Variants in SKAP2 observed in about 807,000 individuals in gnomAD.
SKAP2 encodes the protein src kinase-associated phosphoprotein 2.
In SKAP2, 28 loss-of-function variants were observed where a neutral mutation model predicts 54.9. The observed-to-expected ratio is 0.51, with a 90% CI of 0.38 to 0.70. The LOEUF (loss-of-function observed/expected upper bound fraction) is 0.70. SKAP2 is among the 30% of genes least tolerant of loss of function. SKAP2 has a pLI of 0.00. For synonymous variants in SKAP2, 137 were observed against 134.3 expected (o/e 1.02, Z -0.14); for missense variants, 356 against 424.1 (o/e 0.84, Z 1.41).
At chr7:26,735,842 A>G (rs1486096892) in intron 6 of SKAP2, among the ~76,000 whole-genome samples, 1 of 152,176 alleles carries the variant, frequency 6.6e-6, no homozygotes, top group East Asian at 1.9e-4. Context: ...CATGCCAAAC[A>G]AGTAATTAAA....
intron 9 of SKAP2, among the ~76,000 whole-genome samples, chr7:26,698,565 A>G (rs1786949281): frequency 6.6e-6 from 1 of 152,222 alleles, no homozygotes; most frequent in Non-Finnish European, 1.5e-5. Context: ...TTTTCACCTA[A>G]TATCAACCTT....
At chr7:26,719,667 T>C (rs1478799159) in intron 9 of SKAP2, among the ~76,000 whole-genome samples, 5 of 152,218 alleles carry the variant, frequency 3.3e-5, no homozygotes, top group Non-Finnish European at 7.3e-5. Flanking sequence ...GCTTCCTTCA[T>C]TTTTTATCTT....
At position 26,739,915 on chromosome 7, in the gene SKAP2, C is replaced by G; in HGVS notation, c.357G>C (p.Lys119Asn). 1 of 1,611,834 alleles carries G rather than the reference C, an allele frequency of 6.2e-7. No individual in the cohort carries two copies. The highest frequency in any genetic ancestry group is 8.5e-7 in the Non-Finnish European group (1 of 1,179,222). Residue 119 changes from lysine (K) to asparagine (N), a missense_variant, in exon 5 of 13, where the codon AAG becomes AAC. Coordinates refer to ENST00000345317, the MANE Select transcript of SKAP2 (RefSeq NM_003930.5). ...TTCTGCGTTTTTCAAGGTAGCCAGCCTTTAGAACAAAAGGAAGGTCTTGTG... is the reference window on the plus strand; with the variant it reads ...TTCTGCGTTTTTCAAGGTAGCCAGCGTTTAGAACAAAAGGAAGGTCTTGTG... ...IAAQDLPFVL[K>N]AGYLEKRRKD... is the part of the protein sequence containing the mutation.
At position 26,725,513 on chromosome 7, in the gene SKAP2, A is replaced by T. The variant is rs1787685365; in HGVS notation, c.711T>A (p.Tyr237Ter). 1.2e-6 allele frequency: 2 copies of T among 1,611,344 alleles called. No homozygotes were observed. Among genetic ancestry groups the T allele is most frequent in the Admixed American group, 1.7e-5 (1 of 59,926 alleles). Residue 237 changes from tyrosine to a stop codon, truncating the protein, a stop_gained, in exon 9 of 13, where the codon TAT (tyrosine) becomes TAA (stop). Coordinates refer to ENST00000345317, the MANE Select transcript of SKAP2 (RefSeq NM_003930.5). LOFTEE classifies it high-confidence loss of function. ...PEDYDERGEL[Y>*]DDVDHPLPIS... is the part of the protein sequence containing the mutation. ...TTGGTAGAGGATGATCAACATCATC[A>T]TATAATTCTCCTCTCTCATCATAAT... is the stretch of plus-strand genomic sequence containing the variant.
At chr7:26,672,829 G>A (rs1786271631) in intron 11 of SKAP2, among the ~76,000 whole-genome samples, 1 of 151,930 alleles carries the variant, frequency 6.6e-6, no homozygotes, top group African/African-American at 2.4e-5. Context: ...ACCATTTGCA[G>A]CCTATAAATT....
intron 9 of SKAP2, among the ~76,000 whole-genome samples, chr7:26,704,747 A>C (rs780429951): frequency 1.6e-4 from 24 of 152,216 alleles, no homozygotes; most frequent in Non-Finnish European, 2.6e-4. Flanking sequence ...TAGGCATGTA[A>C]AACTCATCTG....
chr7:26,824,086 T>C (rs1423533243), intron 4 of SKAP2, among the ~76,000 whole-genome samples: 1 of 116,230 alleles, frequency 8.6e-6, no homozygotes, highest in Non-Finnish European at 1.9e-5. Flanking sequence ...GGGAAATCTT[T>C]CATGGAAAGA....
intron 4 of SKAP2, among the ~76,000 whole-genome samples, chr7:26,834,567 C>A (rs949169277): frequency 6.6e-6 from 1 of 152,126 alleles, no homozygotes; most frequent in African/African-American, 2.4e-5. Flanking sequence ...CTATAAACAC[C>A]TCTATGCAAA....
chr7:26,854,205 A>C (rs772970637), intron 2 of SKAP2, 43 bp from the exon 3 acceptor site: 2 of 1,319,890 alleles, frequency 1.5e-6, no homozygotes, highest in African/African-American at 3.0e-5. Context: ...TTGAAAAATC[A>C]AAACAAGGTC....
At chr7:26,765,593 T>C (rs112979042) in intron 4 of SKAP2, among the ~76,000 whole-genome samples, 27,727 of 152,246 alleles carry the variant, frequency 0.18, 3,162 homozygotes, top group Non-Finnish European at 0.25. Context: ...AGGGTTTTTA[T>C]GGTGTTAGGT....
chr7:26,692,311 AAGAGTTGTGTTTTCAAC>A (rs1198946962), intron 9 of SKAP2, among the ~76,000 whole-genome samples: 1 of 152,150 alleles, frequency 6.6e-6, no homozygotes, highest in Non-Finnish European at 1.5e-5. Context: ...GGGGAACACA[AAGAGTTGTGTTTTCAAC>A]AGGAGGAATT....
chr7:26,764,055 G>A (rs1782991458), intron 4 of SKAP2, among the ~76,000 whole-genome samples: 1 of 152,040 alleles, frequency 6.6e-6, no homozygotes, highest in Non-Finnish European at 1.5e-5. Context: ...AAAAATAAAT[G>A]AAGATGTCAA....
chr7:26,858,772 T>G (rs1461854972), intron 1 of SKAP2, among the ~76,000 whole-genome samples: 2 of 152,142 alleles, frequency 1.3e-5, no homozygotes, highest in African/African-American at 4.8e-5. Flanking sequence ...CAGAACAGTT[T>G]AAATTTTTTT....
rs1786587082 is a variant in SKAP2, at chr7:26,684,641, A to G, written c.987+95T>C. On this transcript the variant is annotated intron_variant, in intron 11 of 12. Coordinates refer to ENST00000345317, the MANE Select transcript of SKAP2 (RefSeq NM_003930.5). ...TTAACAAGGACCTAGAAGAATTCCA[A>G]TTGGCATTCTTCCCTAGCTCTGTAA... 31 of 689,158 alleles carry G rather than the reference A, an allele frequency of 4.5e-5. No individual in the cohort carries two copies. In the Middle Eastern group the frequency reaches 9.7e-4, roughly 22 times the overall value. The allele number at this position is 689,158 out of a possible 1,614,324, so 42.7% of individuals were successfully genotyped here. A position where few individuals can be genotyped will look rare whatever the true frequency, so the allele number is the denominator to read the frequency against.
intron 4 of SKAP2, among the ~76,000 whole-genome samples, chr7:26,748,834 C>A (rs1381882357): frequency 6.6e-6 from 1 of 152,110 alleles, no homozygotes; most frequent in Non-Finnish European, 1.5e-5. Flanking sequence ...CAAACTGATA[C>A]TGCATTTTAG....
Position 26,697,558 on chromosome 7 carries a change from C to A in SKAP2, c.797-7196G>T, listed in dbSNP as rs537342652. 2.0e-5 allele frequency among the ~76,000 whole-genome samples: 3 copies of A among 152,056 alleles called. No individual in the cohort carries two copies. In the East Asian group the frequency reaches 5.8e-4, roughly 29 times the overall value. Reference sequence around the variant, plus strand: ...TAACAAATTGTGTAATTCTAAAATTCTTTTAGTCCAGGAAAGTCTGAATTC... The same window carrying A: ...TAACAAATTGTGTAATTCTAAAATTATTTTAGTCCAGGAAAGTCTGAATTC... On this transcript the variant is annotated intron_variant, in intron 9 of 12. Transcript: ENST00000345317.
At chr7:26,788,777 A>T (rs2127980789) in intron 4 of SKAP2, among the ~76,000 whole-genome samples, 1 of 152,202 alleles carries the variant, frequency 6.6e-6, no homozygotes, top group South Asian at 2.1e-4. Flanking sequence ...CTCCCCCCTA[A>T]TTATATGCTT....
chr7:26,707,385 A>G (rs1159335881), intron 9 of SKAP2, among the ~76,000 whole-genome samples: 5 of 152,068 alleles, frequency 3.3e-5, no homozygotes, highest in Non-Finnish European at 5.9e-5. Context: ...AGTAATTAAT[A>G]TTATAATTAT....
chr7:26,817,007 C>T (rs3801827), intron 4 of SKAP2, among the ~76,000 whole-genome samples: 32,317 of 152,026 alleles, frequency 0.21, 3,519 homozygotes, highest in Non-Finnish European at 0.24. Context: ...ACCTAAACCA[C>T]ACCTAACTCA....
Sources: allele counts gnomAD v4.1 joint callset (sites outside exome capture counted in the v4.1 genomes callset), GRCh38; gene constraint gnomAD v4.1.1; transcripts MANE v1.5; gene names NCBI Gene and HGNC (gene_info 2026-07-23, HGNC 2026-07-21).